The following RASAL2 variants were observed in gnomAD, a reference collection of about 807,000 sequenced individuals.
The protein encoded by RASAL2 is ras GTPase-activating protein nGAP.
RASAL2 carries 58 observed loss-of-function variants against 128.9 expected under a neutral mutation model. The observed-to-expected ratio is 0.45, with a 90% CI of 0.36 to 0.56. The LOEUF (loss-of-function observed/expected upper bound fraction) is 0.56. RASAL2 is among the 20% of genes least tolerant of loss of function. The pLI is 0.00. For missense variants in RASAL2, 1,360 were observed against 1,601.6 expected, an observed-to-expected ratio of 0.85 and a Z score of 2.57; for synonymous variants, 561 against 580.8, an observed-to-expected ratio of 0.97 and a Z score of 0.49.
chr1:178,122,752 C>A (rs1659762713), intron 1 of RASAL2, among the ~76,000 whole-genome samples: 1 of 151,184 alleles, frequency 6.6e-6, no homozygotes, highest in African/African-American at 2.4e-5. Context: ...TAGTTTTTTT[C>A]ACAAGGGAAA....
At chr1:178,225,639 T>C (rs952206735) in intron 1 of RASAL2, among the ~76,000 whole-genome samples, 11 of 152,108 alleles carry the variant, frequency 7.2e-5, no homozygotes, top group Admixed American at 2.0e-4. Context: ...CATGTGTGTC[T>C]TTGTAGCATG....
At position 178,169,310 on chromosome 1, in the gene RASAL2, G is replaced by T. The variant is rs990225530; in HGVS notation, c.202+74616G>T. ...CACATAACTTAGAGAAACCCCAGGG[G>T]ATCTTTGGCGACACTTCGTATTAGA... On this transcript the variant is annotated intron_variant, in intron 1 of 17. Transcript: ENST00000367649. Among the ~76,000 whole-genome samples, 4 of 152,042 alleles carry T rather than the reference G, an allele frequency of 2.6e-5. No homozygotes were observed. The South Asian group carries it at 8.3e-4, about 32-fold the overall frequency.
chr1:178,245,030 T>G (rs1664706914), intron 1 of RASAL2, among the ~76,000 whole-genome samples: 1 of 152,224 alleles, frequency 6.6e-6, no homozygotes, highest in South Asian at 2.1e-4. Context: ...AGTGCTGCAA[T>G]AAACATATAT....
At chr1:178,409,959 C>G (rs1674254944) in intron 4 of RASAL2, among the ~76,000 whole-genome samples, 1 of 152,180 alleles carries the variant, frequency 6.6e-6, no homozygotes, top group Admixed American at 6.5e-5. Context: ...TCCTAAAGAG[C>G]TTCGTCATGG....
rs568071473 is a variant in RASAL2 at position 178,292,884 on chromosome 1, T to C, written c.331-7108T>C. ...CAAACTCTACTTTCTATATTTAGAA[T>C]GTTTAAGGCTGGATTCTGGTGTATA... On this transcript the variant is annotated intron_variant, in intron 2 of 17. Transcript: ENST00000367649. Among the ~76,000 whole-genome samples, 23 of 152,336 alleles carry C rather than the reference T, an allele frequency of 1.5e-4. No individual in the cohort carries two copies. In the South Asian group the frequency reaches 4.8e-3, roughly 32 times the overall value.
chr1:178,230,731 A>G (rs1663972710), intron 1 of RASAL2, among the ~76,000 whole-genome samples: 1 of 152,168 alleles, frequency 6.6e-6, no homozygotes, highest in Non-Finnish European at 1.5e-5. Context: ...ATGAAAAGGA[A>G]GTAAAATACA....
rs766891744 is a variant in RASAL2 at position 178,457,657 on chromosome 1, AT to A, written c.2391-24del. ...CCATGTTGAAGTTGTCTCAAGAGAA[AT>A]TAAGTGTCCTTTCCTTTTCCACAGT... On this transcript the variant is annotated intron_variant, in intron 13 of 17. Coordinates refer to ENST00000367649, the MANE Select transcript of RASAL2 (RefSeq NM_170692.4). The A allele has an allele frequency of 6.3e-6, 10 of 1,598,382 alleles. No individual in the cohort carries two copies. In the South Asian group the frequency reaches 1.1e-4, roughly 18 times the overall value.
At chr1:178,321,482 A>G (rs1168952658) in intron 3 of RASAL2, among the ~76,000 whole-genome samples, 1 of 152,084 alleles carries the variant, frequency 6.6e-6, no homozygotes, top group Admixed American at 6.6e-5. Context: ...AATAAGTTTC[A>G]TAACTTCATT....
intron 1 of RASAL2, among the ~76,000 whole-genome samples, chr1:178,175,145 A>G (rs1051309566): frequency 1.1e-4 from 17 of 152,174 alleles, no homozygotes; most frequent in African/African-American, 4.1e-4. Flanking sequence ...ATAGGAAAGT[A>G]TTATCTTAGG....
chr1:178,213,730 C>G (rs1663331652), intron 1 of RASAL2, among the ~76,000 whole-genome samples: 1 of 150,852 alleles, frequency 6.6e-6, no homozygotes, highest in South Asian at 2.1e-4. Context: ...AATAAGTTAC[C>G]TGAAGGTTCT....
At chr1:178,354,169 G>T (rs1670670009) in intron 3 of RASAL2, among the ~76,000 whole-genome samples, 1 of 152,124 alleles carries the variant, frequency 6.6e-6, no homozygotes, top group African/African-American at 2.4e-5. Flanking sequence ...TATGACTAAA[G>T]TTGGGTTTAT....
At chr1:178,374,000 C>T (rs1008979061) in intron 3 of RASAL2, among the ~76,000 whole-genome samples, 1 of 152,108 alleles carries the variant, frequency 6.6e-6, no homozygotes, top group African/African-American at 2.4e-5. Context: ...TGATTCTGCT[C>T]AAGGGCTACA....
At chr1:178,205,422 G>A (rs1296778666) in intron 1 of RASAL2, among the ~76,000 whole-genome samples, 1 of 152,160 alleles carries the variant, frequency 6.6e-6, no homozygotes, top group Non-Finnish European at 1.5e-5. Context: ...GCCAAAAGCA[G>A]AGTCATGGGT....
At chr1:178,121,912 CT>C (rs954552407) in intron 1 of RASAL2, among the ~76,000 whole-genome samples, 11 of 151,264 alleles carry the variant, frequency 7.3e-5, no homozygotes, top group African/African-American at 2.7e-4. Flanking sequence ...CTTTTTTTTT[CT>C]TTGCCATTTT....
At chr1:178,254,340 A>G (rs1294447969) in intron 1 of RASAL2, among the ~76,000 whole-genome samples, 2 of 152,212 alleles carry the variant, frequency 1.3e-5, no homozygotes, top group Non-Finnish European at 2.9e-5. Context: ...TACGTTTCAT[A>G]TATCATAACT....
intron 3 of RASAL2, among the ~76,000 whole-genome samples, chr1:178,304,124 C>T (rs1025242820): frequency 9.2e-5 from 14 of 152,074 alleles, no homozygotes; most frequent in African/African-American, 3.4e-4. Flanking sequence ...ATTGTACTGT[C>T]ACATAAGTGG....
rs1486072960 is a variant in RASAL2, at chr1:178,458,256, G to A, written c.2964G>A (p.Arg988=). 1 of 1,614,228 alleles carries A rather than the reference G, an allele frequency of 6.2e-7. No individual in the cohort carries two copies. Among genetic ancestry groups the A allele is most frequent in the Non-Finnish European group, 8.5e-7 (1 of 1,180,044 alleles). ...CTCAGAGTGAGGACTTCTCCAGGCG[G>A]CACACGGTGCCAGATAGACACATAC... is the stretch of plus-strand genomic sequence containing the variant. The part of the protein sequence containing the change: ...RSTQSEDFSR[R]HTVPDRHIPL... Residue 988 remains arginine (R), a synonymous_variant, in exon 14 of 18, where the codon CGG becomes CGA. Transcript: ENST00000367649.
intron 3 of RASAL2, among the ~76,000 whole-genome samples, chr1:178,354,284 C>A (rs1670675566): frequency 6.6e-6 from 1 of 152,104 alleles, no homozygotes; most frequent in Non-Finnish European, 1.5e-5. Context: ...GCAAAAATGA[C>A]ATTTAATAAA....
chr1:178,393,543 G>T (rs781027658), intron 4 of RASAL2, among the ~76,000 whole-genome samples: 1 of 152,160 alleles, frequency 6.6e-6, no homozygotes, highest in Non-Finnish European at 1.5e-5. Context: ...TGTTTTACTC[G>T]CTCACCTGCT....
Sources: gnomAD v4.1 joint callset for allele counts (sites outside exome capture counted in the v4.1 genomes callset) on GRCh38, gnomAD v4.1.1 for gene constraint, MANE v1.5 for transcripts, NCBI Gene and HGNC (gene_info 2026-07-23, HGNC 2026-07-21) for gene names.